The following SLC25A22 variants were observed in gnomAD, a reference collection of about 807,000 sequenced individuals.
SLC25A22 encodes the protein mitochondrial glutamate carrier 1.
SLC25A22 carries 23 observed loss-of-function variants against 33.7 expected under a neutral mutation model. The ratio of observed to expected loss-of-function variants is 0.68; its 90% CI spans 0.49 to 0.97. The LOEUF (loss-of-function observed/expected upper bound fraction) is 0.97. Among genes scored for constraint, SLC25A22 ranks in the 50% least tolerant of loss-of-function variants. The probability of loss-of-function intolerance (pLI) is 0.00; values close to 1 mark genes in which losing one functional copy is unlikely to be tolerated. For missense variants in SLC25A22, 390 were observed against 451.1 expected, an observed-to-expected ratio of 0.86 and a Z score of 1.23; for synonymous variants, 245 against 203.8, an observed-to-expected ratio of 1.20 and a Z score of -1.72.
At chr11:794,415 ACCCAGG>A in intron 4 of SLC25A22, 37 bp downstream of exon 4, 1 of 1,602,284 alleles carries the variant, frequency 6.2e-7, no homozygotes, top group Non-Finnish European at 8.5e-7. Flanking sequence ...CGCGGGCGCT[ACCCAGG>A]CCTGCCCATA....
At chr11:796,512 T>C (rs1338240567) in intron 1 of SLC25A22, 2 of 152,320 alleles carry the variant, frequency 1.3e-5, no homozygotes, top group African/African-American at 4.8e-5. Context: ...TTGAACCCTA[T>C]AGCATTTCCT....
intron 5 of SLC25A22, 109 bp from the exon 6 acceptor site, chr11:793,097 G>C: frequency 9.6e-7 from 1 of 1,044,490 alleles, no homozygotes; most frequent in Non-Finnish European, 1.4e-6. Context: ...CGTGGAGGCA[G>C]ATGCAGGCCT....
At chr11:792,526 TCCC>T (rs543775528) in intron 7 of SLC25A22, 24 bp downstream of exon 7, 1 of 1,610,452 alleles carries the variant, frequency 6.2e-7, no homozygotes, top group South Asian at 1.1e-5. Flanking sequence ...CCCCCTTCCC[TCCC>T]CCCACCTGCC....
chr11:793,721 A>G, intron 4 of SLC25A22, 102 bp from the exon 5 acceptor site: 2 of 792,534 alleles, frequency 2.5e-6, no homozygotes, highest in South Asian at 1.4e-5. Context: ...TGTCCCAGTC[A>G]CTCCTGGCCA....
chr11:794,792 G>A lies in SLC25A22; in HGVS notation c.130C>T (p.Arg44Cys), dbSNP rs576145791. Residue 44 changes from arginine (R) to cysteine (C), a missense_variant, in exon 3 of 10, where the codon CGC (arginine) becomes TGC (cysteine). By Grantham distance (180) the Arg-to-Cys change is radical (BLOSUM62 -3). Coordinates refer to ENST00000628067, the MANE Select transcript of SLC25A22 (RefSeq NM_001191061.2). The part of the protein sequence containing the change: ...TRLQNQQNGQ[R>C]VYTSMSDCLI... Reference sequence around the variant, plus strand: ...CACACTCACATGCTCGTGTACACGCGCTGGCCGTTCTGCTGGTTCTGCAGC... The same window carrying A: ...CACACTCACATGCTCGTGTACACGCACTGGCCGTTCTGCTGGTTCTGCAGC... 41 of 1,597,876 alleles carry A rather than the reference G, an allele frequency of 2.6e-5. No individual in the cohort carries two copies. Among genetic ancestry groups the A allele is most frequent in the Middle Eastern group, 2.0e-4 (1 of 5,106 alleles).
At chr11:796,237 TCA>T (rs1220974530) in intron 1 of SLC25A22, 1 of 139,086 alleles carries the variant, frequency 7.2e-6, no homozygotes, top group Admixed American at 7.3e-5. Flanking sequence ...AGCCCAGCAC[TCA>T]CACAGAAGGG....
chr11:797,182 A>G (rs1864865939), intron 1 of SLC25A22, among the ~76,000 whole-genome samples: 1 of 152,160 alleles, frequency 6.6e-6, no homozygotes, highest in African/African-American at 2.4e-5. Context: ...CAAGAAGAGA[A>G]GCAGGCCCAG....
intron 2 of SLC25A22, 29 bp downstream of exon 2, chr11:794,958 G>A: frequency 6.4e-7 from 1 of 1,562,102 alleles, no homozygotes; most frequent in Non-Finnish European, 8.7e-7. Flanking sequence ...GGGTGGGGGT[G>A]AGGCACGCAG....
chr11:791,960 G>C lies in SLC25A22; in HGVS notation c.927C>G (p.Gly309=). The change falls in exon 10 of 10, where the codon GGC becomes GGG. Residue 309 remains glycine, a synonymous_variant. Coordinates refer to ENST00000628067, the MANE Select transcript of SLC25A22 (RefSeq NM_001191061.2). ...FGIAQVVYFL[G]IAESLLGLLQ... is the part of the protein sequence containing the mutation. ...GCAGCCCCAGCAGGGACTCCGCGAT[G>C]CCCAGGAAGTAGACCACCTGTGCGA... 1 of 1,606,988 alleles carries C rather than the reference G, an allele frequency of 6.2e-7. No individual in the cohort carries two copies. Among genetic ancestry groups the C allele is most frequent in the Non-Finnish European group, 8.5e-7 (1 of 1,179,554 alleles).
At position 794,798 on chromosome 11, in the gene SLC25A22, C is replaced by A. The variant is rs535927522; in HGVS notation, c.124G>T (p.Gly42Cys). 4.4e-6 allele frequency: 7 copies of A among 1,598,200 alleles called. No individual in the cohort carries two copies. Among genetic ancestry groups the A allele is most frequent in the Non-Finnish European group, 6.0e-6 (7 of 1,173,822 alleles). The part of the protein sequence containing the change: ...AKTRLQNQQN[G>C]QRVYTSMSDC... ...CACATGCTCGTGTACACGCGCTGGC[C>A]GTTCTGCTGGTTCTGCAGCCTGGTC... Residue 42 changes from glycine to cysteine, a missense_variant, in exon 3 of 10, where the codon GGC (glycine) becomes TGC (cysteine). Coordinates refer to ENST00000628067, the MANE Select transcript of SLC25A22 (RefSeq NM_001191061.2).
intron 3 of SLC25A22, 53 bp downstream of exon 3, chr11:794,723 T>C (rs1864706420): frequency 1.3e-6 from 2 of 1,580,208 alleles, no homozygotes; most frequent in Non-Finnish European, 1.7e-6. Context: ...AGCCCCCACC[T>C]CTCCTGCTGC....
rs374013223 is a variant in SLC25A22, at chr11:796,299, G to A, written c.-163-1130C>T. The A allele has an allele frequency of 6.6e-5, 10 of 152,072 alleles. No homozygotes were observed. In the East Asian group the frequency reaches 7.8e-4, roughly 12 times the overall value. 9.4% of individuals were successfully genotyped at this position (152,072 alleles called of 1,614,324 possible). ...GGGCCGCAGGGATTGGCCGTGGGGCGGGGTGGGGCGGGCTTGGGTGGGGGG... is the reference window on the plus strand; with the variant it reads ...GGGCCGCAGGGATTGGCCGTGGGGCAGGGTGGGGCGGGCTTGGGTGGGGGG... On this transcript the variant is annotated intron_variant, in intron 1 of 9. Transcript: ENST00000628067.
intron 7 of SLC25A22, 30 bp downstream of exon 7, chr11:792,523 C>T: frequency 6.2e-7 from 1 of 1,612,310 alleles, no homozygotes; most frequent in African/African-American, 1.3e-5. Context: ...CCTCCCCCTT[C>T]CCTCCCCCCA....
At chr11:797,334 C>T (rs960796905) in intron 1 of SLC25A22, among the ~76,000 whole-genome samples, 45 of 152,182 alleles carry the variant, frequency 3.0e-4, no homozygotes, top group Non-Finnish European at 5.9e-4. Flanking sequence ...CCAACCCCGC[C>T]TTTCTCTGCC....
rs201932343 is a variant in SLC25A22, at chr11:792,399, C to T, written c.647G>A (p.Arg216His). The T allele has an allele frequency of 2.9e-5, 47 of 1,613,260 alleles. No homozygotes were observed. The African/African-American group carries it at 3.1e-4, about 11-fold the overall frequency. Residue 216 changes from arginine to histidine, a missense_variant, in exon 8 of 10, where the codon CGC becomes CAC. Physicochemically the swap from Arg to His is conservative, Grantham distance 29 (BLOSUM62 0). Transcript: ENST00000628067. ...PLFANLNQLG[R>H]PASEEKSPFY... ...AGGCGACTTCTCCTCGGACGCCGGG[C>T]GGCCCAGCTGGTTCAGGTTGGCAAA...
Position 795,891 on chromosome 11 carries a change from G to A in SLC25A22, c.-163-722C>T, listed in dbSNP as rs148671417. ...GGCTGGCACCCCCATCCACTACAGA[G>A]GAGGAGAGGACAGGCCTCTCCCACT... On this transcript the variant is annotated intron_variant, in intron 1 of 9. Transcript: ENST00000628067. 0.01 allele frequency among the ~76,000 whole-genome samples: 1,524 copies of A among 152,184 alleles called. 31 individuals carry two copies. The highest frequency in any genetic ancestry group is 0.033 in the African/African-American group (1,390 of 41,516).
Position 794,912 on chromosome 11 carries a change from A to G in SLC25A22, c.21-11T>C. 6.4e-7 allele frequency: 1 copy of G among 1,564,406 alleles called. No homozygotes were observed. The highest frequency in any genetic ancestry group is 8.7e-7 in the Non-Finnish European group (1 of 1,154,430). On this transcript the variant is annotated splice_polypyrimidine_tract_variant and intron_variant, in intron 2 of 9. Coordinates refer to ENST00000628067, the MANE Select transcript of SLC25A22 (RefSeq NM_001191061.2). ...AGCTTGGCTGGCAGGCTGTGTGGACAGGGGTGTCAGGACCGGCTTCCTTGA... is the reference window on the plus strand; with the variant it reads ...AGCTTGGCTGGCAGGCTGTGTGGACGGGGGTGTCAGGACCGGCTTCCTTGA...
chr11:795,200 G>A (rs968086767), intron 1 of SLC25A22, 31 bp from the exon 2 acceptor site: 16 of 723,940 alleles, frequency 2.2e-5, no homozygotes, highest in Non-Finnish European at 3.6e-5. Flanking sequence ...GAATGAGTGA[G>A]GGTGGGGCCA....
rs1388811021 is a variant in SLC25A22 at position 792,206 on chromosome 11, G to A, written c.754C>T (p.Arg252Trp). The part of the protein sequence containing the change: ...AVNPCDVVKT[R>W]LQSLQRGVNE... ...ACGCCTCGCTGAAGTGACTGGAGCC[G>A]CGTCTTCACCACTGCAAGGGGCGCT... is the stretch of plus-strand genomic sequence containing the variant. Residue 252 changes from arginine (R) to tryptophan (W), a missense_variant, in exon 9 of 10, where the codon CGG (arginine) becomes TGG (tryptophan). Arg to Trp is a moderately radical substitution (Grantham distance 101, BLOSUM62 -3). Transcript: ENST00000628067. 1.2e-6 allele frequency: 2 copies of A among 1,612,958 alleles called. No individual in the cohort carries two copies. Among genetic ancestry groups the A allele is most frequent in the Non-Finnish European group, 1.7e-6 (2 of 1,179,918 alleles).
Sources: gnomAD v4.1 joint callset for allele counts (sites outside exome capture counted in the v4.1 genomes callset) on GRCh38, gnomAD v4.1.1 for gene constraint, MANE v1.5 for transcripts, NCBI Gene and HGNC (gene_info 2026-07-23, HGNC 2026-07-21) for gene names.